Variants in GRM8 observed in about 807,000 individuals in gnomAD.
GRM8 encodes glutamate metabotropic receptor 8.
Under a neutral mutation model 87.2 loss-of-function variants are expected in GRM8, and 47 were observed. The ratio of observed to expected loss-of-function variants is 0.54; its 90% confidence interval spans 0.43 to 0.69. The LOEUF is 0.69. Among genes scored for constraint, GRM8 ranks in the 30% least tolerant of loss-of-function variants. GRM8 has a pLI of 0.00. For missense variants in GRM8, 1,019 were observed against 1,139.2 expected (o/e 0.89, Z 1.52); for synonymous variants, 396 against 404.5 (o/e 0.98, Z 0.25).
intron 3 of GRM8, among the ~76,000 whole-genome samples, chr7:126,969,400 T>C (rs575795668): frequency 2.3e-4 from 35 of 152,334 alleles, no homozygotes; most frequent in African/African-American, 7.5e-4. Context: ...TAAGTTTATG[T>C]AATATTCTAA....
intron 3 of GRM8, among the ~76,000 whole-genome samples, chr7:126,921,030 C>T (rs944338915): frequency 6.6e-5 from 10 of 152,262 alleles, no homozygotes; most frequent in Admixed American, 2.6e-4. Flanking sequence ...CATGTCAGCA[C>T]CTCACTCTTA....
intron 7 of GRM8, among the ~76,000 whole-genome samples, chr7:126,644,806 G>A (rs1399659851): frequency 6.6e-6 from 1 of 152,156 alleles, no homozygotes; most frequent in Non-Finnish European, 1.5e-5. Context: ...ACTCAGAAAA[G>A]GTCATAATAG....
chr7:126,814,685 A>C (rs1203859373), intron 6 of GRM8, among the ~76,000 whole-genome samples: 1 of 148,554 alleles, frequency 6.7e-6, no homozygotes. Context: ...TCATCCACTA[A>C]TAATGGTTCT....
At chr7:126,618,054 A>G (rs1799710313) in intron 7 of GRM8, among the ~76,000 whole-genome samples, 2 of 152,228 alleles carry the variant, frequency 1.3e-5, no homozygotes, top group Admixed American at 6.5e-5. Context: ...CCAAAAATAG[A>G]GCCCTCATTG....
At chr7:126,559,719 A>T (rs1156591563) in intron 8 of GRM8, among the ~76,000 whole-genome samples, 4 of 152,176 alleles carry the variant, frequency 2.6e-5, no homozygotes. Context: ...AAGTCCTTCC[A>T]CCTGTAAATC....
At chr7:127,180,978 TG>T (rs1794401649) in intron 2 of GRM8, among the ~76,000 whole-genome samples, 1 of 152,098 alleles carries the variant, frequency 6.6e-6, no homozygotes, top group Non-Finnish European at 1.5e-5. Flanking sequence ...AACATAGTAC[TG>T]GAAGTCCTAG....
chr7:126,829,048 C>T (rs1404192694), intron 6 of GRM8, among the ~76,000 whole-genome samples: 94 of 152,134 alleles, frequency 6.2e-4, no homozygotes, highest in East Asian at 1.2e-3. Context: ...CTAGTATGAT[C>T]GCACTGTGGT....
chr7:126,643,399 A>G (rs1802697221), intron 7 of GRM8, among the ~76,000 whole-genome samples: 1 of 138,358 alleles, frequency 7.2e-6, no homozygotes. Flanking sequence ...AAAAATGTGT[A>G]TTATCATGTT....
chr7:127,001,501 A>C (rs544900062), intron 3 of GRM8, among the ~76,000 whole-genome samples: 66 of 151,842 alleles, frequency 4.3e-4, no homozygotes, highest in African/African-American at 1.5e-3. Flanking sequence ...AAGGCCACTA[A>C]GTACATCAAA....
At chr7:126,603,349 C>T (rs1455457565) in intron 8 of GRM8, among the ~76,000 whole-genome samples, 7 of 148,106 alleles carry the variant, frequency 4.7e-5, no homozygotes, top group African/African-American at 1.2e-4. Context: ...CCTCTCTCAC[C>T]GCTCCTATTC....
At chr7:126,904,156 C>T (rs1450682387) in intron 4 of GRM8, 30 bp from the exon 5 acceptor site, 1 of 1,548,114 alleles carries the variant, frequency 6.5e-7, no homozygotes, top group Non-Finnish European at 8.9e-7. Flanking sequence ...TAATGCATAT[C>T]ACATGTATTA....
chr7:126,607,379 T>C lies in GRM8; in HGVS notation c.1494+1983A>G, dbSNP rs145693933. 5.1e-3 allele frequency among the ~76,000 whole-genome samples: 782 copies of C among 152,304 alleles called. 7 individuals carry two copies. The highest frequency in any genetic ancestry group is 0.018 in the African/African-American group (746 of 41,552). The stretch of plus-strand genomic sequence containing the variant: ...ATCTCCCTAGTTTTGTAATTTCTCA[T>C]CGTCTAATTTTCTGAGAACTTGGGT... On this transcript the variant is annotated intron_variant, in intron 8 of 10. Coordinates refer to ENST00000339582, the MANE Select transcript of GRM8 (RefSeq NM_000845.3).
intron 9 of GRM8, among the ~76,000 whole-genome samples, chr7:126,523,756 C>T (rs1813384218): frequency 6.6e-6 from 1 of 152,246 alleles, no homozygotes. Context: ...CTCGACCTCC[C>T]GAAGTGCTGG....
chr7:127,231,117 T>C (rs1797661728), intron 2 of GRM8, among the ~76,000 whole-genome samples: 1 of 152,208 alleles, frequency 6.6e-6, no homozygotes, highest in Non-Finnish European at 1.5e-5. Flanking sequence ...CATATACCTA[T>C]GGGATGCTGC....
intron 3 of GRM8, among the ~76,000 whole-genome samples, chr7:127,101,098 T>C (rs1825199798): frequency 6.6e-6 from 1 of 152,176 alleles, no homozygotes; most frequent in Admixed American, 6.5e-5. Context: ...GTTGCCCAGG[T>C]ATGCAATTTC....
At chr7:126,447,765 CAAGTT>C (rs1752468073) in intron 9 of GRM8, among the ~76,000 whole-genome samples, 1 of 151,930 alleles carries the variant, frequency 6.6e-6, no homozygotes, top group Admixed American at 6.6e-5. Flanking sequence ...ATGTGAGGCA[CAAGTT>C]AAGAAACTGT....
intron 6 of GRM8, among the ~76,000 whole-genome samples, chr7:126,829,350 G>A (rs1233968553): frequency 6.7e-5 from 9 of 134,218 alleles, no homozygotes; most frequent in African/African-American, 2.6e-4. Context: ...TCTCTTTGTA[G>A]GTCACTCAGG....
chr7:126,840,714 A>T (rs987847459), intron 6 of GRM8, among the ~76,000 whole-genome samples: 2 of 152,210 alleles, frequency 1.3e-5, no homozygotes, highest in African/African-American at 2.4e-5. Flanking sequence ...AACTTTGTAT[A>T]AGTTTCTAAT....
chr7:126,663,757 C>T (rs1430734907), intron 7 of GRM8, among the ~76,000 whole-genome samples: 3 of 152,138 alleles, frequency 2.0e-5, no homozygotes, highest in Non-Finnish European at 4.4e-5. Flanking sequence ...GCTCCCACCA[C>T]TCCTATTCAA....
Sources: allele counts gnomAD v4.1 joint callset (sites outside exome capture counted in the v4.1 genomes callset), GRCh38; gene constraint gnomAD v4.1.1; transcripts MANE v1.5; gene names NCBI Gene and HGNC (gene_info 2026-07-23, HGNC 2026-07-21).